Variants in ZFPM2 observed in about 807,000 individuals in gnomAD.
ZFPM2 encodes zinc finger protein ZFPM2.
Under a neutral mutation model 98.6 loss-of-function variants are expected in ZFPM2, and 20 were observed. That is an observed-to-expected ratio of 0.20 (90% confidence interval 0.14 to 0.29). The LOEUF is 0.29. Ranked by LOEUF, ZFPM2 falls within the 10% of genes least tolerant of loss-of-function variation. The pLI, the probability that ZFPM2 is intolerant of heterozygous loss-of-function variation, is 1.00. For synonymous variants in ZFPM2, 518 were observed against 502.7 expected, an observed-to-expected ratio of 1.03 and a Z score of -0.41; for missense variants, 1,310 against 1,388.6, an observed-to-expected ratio of 0.94 and a Z score of 0.90.
At chr8:105,397,585 A>G (rs1281327524) in intron 1 of ZFPM2, among the ~76,000 whole-genome samples, 1 of 152,276 alleles carries the variant, frequency 6.6e-6, no homozygotes. Context: ...GATAGTATTT[A>G]ATAGAGCTAC....
At chr8:105,585,350 C>T (rs1815689458) in intron 4 of ZFPM2, among the ~76,000 whole-genome samples, 1 of 152,140 alleles carries the variant, frequency 6.6e-6, no homozygotes, top group African/African-American at 2.4e-5. Flanking sequence ...AAAGTATCAG[C>T]ACCCAGCACT....
chr8:105,737,088 A>G (rs1338142158), intron 5 of ZFPM2, among the ~76,000 whole-genome samples: 2 of 151,994 alleles, frequency 1.3e-5, no homozygotes, highest in South Asian at 2.1e-4. Flanking sequence ...AAGTCCATCT[A>G]TGGCTTTCTT....
intron 3 of ZFPM2, among the ~76,000 whole-genome samples, chr8:105,520,353 A>G (rs948051451): frequency 1.3e-5 from 2 of 152,198 alleles, no homozygotes; most frequent in Admixed American, 1.3e-4. Context: ...CCTCTTAAGT[A>G]CTATGCAGAA....
intron 5 of ZFPM2, among the ~76,000 whole-genome samples, chr8:105,714,952 T>G (rs1467497105): frequency 6.6e-6 from 1 of 152,126 alleles, no homozygotes; most frequent in Non-Finnish European, 1.5e-5. Context: ...AATAAAGAAG[T>G]TGCTTATACC....
chr8:105,659,350 G>A (rs1258805451), intron 5 of ZFPM2, among the ~76,000 whole-genome samples: 1 of 152,298 alleles, frequency 6.6e-6, no homozygotes, highest in South Asian at 2.1e-4. Context: ...AACTCTGAAA[G>A]TATGATGAAC....
At position 105,801,600 on chromosome 8, in the gene ZFPM2, T is replaced by A. The variant is rs1348315039; in HGVS notation, c.1518T>A (p.Asp506Glu). Reference protein sequence around the residue: ...PFLSQFSFPQDITMVPQASEI... With the variant: ...PFLSQFSFPQEITMVPQASEI... ...TATCTCAGTTTTCTTTCCCCCAAGA[T>A]ATCACCATGGTCCCTCAAGCTTCAG... is the stretch of plus-strand genomic sequence containing the variant. The change falls in exon 8 of 8, where the codon GAT becomes GAA. Residue 506 changes from aspartate to glutamate, a missense_variant. Asp to Glu is a conservative substitution (Grantham distance 45). Coordinates refer to ENST00000407775, the MANE Select transcript of ZFPM2 (RefSeq NM_012082.4). 1.9e-6 allele frequency: 3 copies of A among 1,613,792 alleles called. No homozygotes were observed. Among genetic ancestry groups the A allele is most frequent in the Non-Finnish European group, 2.5e-6 (3 of 1,179,862 alleles).
intron 2 of ZFPM2, among the ~76,000 whole-genome samples, chr8:105,420,654 G>C (rs938766342): frequency 2.0e-5 from 3 of 152,070 alleles, no homozygotes; most frequent in African/African-American, 7.2e-5. Context: ...ATTTTCCTTA[G>C]TTGCTAGAAC....
At chr8:105,712,745 C>A (rs114721247) in intron 5 of ZFPM2, among the ~76,000 whole-genome samples, 1 of 152,016 alleles carries the variant, frequency 6.6e-6, no homozygotes, top group Non-Finnish European at 1.5e-5. Flanking sequence ...GTCTTTGGTT[C>A]CCATCTTCAT....
chr8:105,373,436 T>C (rs1378899444), intron 1 of ZFPM2, among the ~76,000 whole-genome samples: 3 of 152,200 alleles, frequency 2.0e-5, no homozygotes, highest in Non-Finnish European at 2.9e-5. Flanking sequence ...ATCGTTTTTT[T>C]CTCCTGAAAT....
At chr8:105,519,838 T>A (rs1219364586) in intron 3 of ZFPM2, among the ~76,000 whole-genome samples, 2 of 151,968 alleles carry the variant, frequency 1.3e-5, no homozygotes, top group East Asian at 3.9e-4. Flanking sequence ...CACTCAGGAA[T>A]GTTTAGATGT....
chr8:105,686,179 C>T (rs541988358), intron 5 of ZFPM2, among the ~76,000 whole-genome samples: 187 of 152,126 alleles, frequency 1.2e-3, no homozygotes, highest in East Asian at 1.2e-3. Context: ...TAGGTAGGGG[C>T]AACTGTAATT....
chr8:105,332,051 C>T (rs932039532), intron 1 of ZFPM2, among the ~76,000 whole-genome samples: 7 of 151,678 alleles, frequency 4.6e-5, no homozygotes, highest in African/African-American at 1.7e-4. Flanking sequence ...CCATAAACCA[C>T]TTGCAGTCAC....
chr8:105,533,102 A>G (rs77585099), intron 3 of ZFPM2, among the ~76,000 whole-genome samples: 4,168 of 152,256 alleles, frequency 0.027, 196 homozygotes, highest in African/African-American at 0.095. Context: ...CAATATTTAC[A>G]TAACACAAAC....
intron 5 of ZFPM2, among the ~76,000 whole-genome samples, chr8:105,661,675 G>T (rs1406411591): frequency 6.6e-6 from 1 of 151,986 alleles, no homozygotes; most frequent in Non-Finnish European, 1.5e-5. Flanking sequence ...TCCCTGTGGG[G>T]CTCTGTGATT....
chr8:105,645,241 G>T (rs1159372077), intron 5 of ZFPM2, among the ~76,000 whole-genome samples: 3 of 152,038 alleles, frequency 2.0e-5, no homozygotes, highest in African/African-American at 7.2e-5. Flanking sequence ...ACTTTCTACA[G>T]TATCCTAAAA....
chr8:105,404,606 T>A (rs1480635422), intron 1 of ZFPM2, among the ~76,000 whole-genome samples: 1 of 152,084 alleles, frequency 6.6e-6, no homozygotes, highest in Non-Finnish European at 1.5e-5. Flanking sequence ...AATAGTCAAT[T>A]AACTCTAACC....
chr8:105,739,412 G>A (rs1456355990), intron 5 of ZFPM2, among the ~76,000 whole-genome samples: 2 of 151,940 alleles, frequency 1.3e-5, no homozygotes, highest in Non-Finnish European at 2.9e-5. Flanking sequence ...TGGATGATAT[G>A]ATTACATTAG....
chr8:105,776,793 T>C (rs2131101509), intron 5 of ZFPM2, among the ~76,000 whole-genome samples: 1 of 152,332 alleles, frequency 6.6e-6, no homozygotes, highest in East Asian at 1.9e-4. Context: ...GGGAACTAAC[T>C]ACTGAAGTTG....
chr8:105,587,899 C>T (rs1449900843), intron 4 of ZFPM2, among the ~76,000 whole-genome samples: 1 of 152,048 alleles, frequency 6.6e-6, no homozygotes, highest in Non-Finnish European at 1.5e-5. Context: ...CCAGACATTT[C>T]CAGGTGTCCC....
Sources: allele counts gnomAD v4.1 joint callset (sites outside exome capture counted in the v4.1 genomes callset), GRCh38; gene constraint gnomAD v4.1.1; transcripts MANE v1.5; gene names NCBI Gene and HGNC (gene_info 2026-07-23, HGNC 2026-07-21).